Variants in AOAH observed in about 807,000 individuals in gnomAD.
AOAH encodes acyloxyacyl hydrolase, also known as acyloxyacyl hydrolase (neutrophil).
A neutral mutation model predicts 92.2 loss-of-function variants in AOAH; 64 were observed. That is an observed-to-expected ratio of 0.69 (90% CI 0.57 to 0.86). AOAH has a LOEUF of 0.86. Among genes scored for constraint, AOAH ranks in the 40% least tolerant of loss-of-function variants. The probability of loss-of-function intolerance (pLI) is 0.00; values close to 1 mark genes in which losing one functional copy is unlikely to be tolerated. For synonymous variants in AOAH, 263 were observed against 254.5 expected, an observed-to-expected ratio of 1.03 and a Z score of -0.32; for missense variants, 656 against 694.6, an observed-to-expected ratio of 0.94 and a Z score of 0.62.
intron 6 of AOAH, among the ~76,000 whole-genome samples, chr7:36,631,681 G>A (rs956627672): frequency 1.3e-5 from 2 of 152,158 alleles, no homozygotes; most frequent in Admixed American, 6.5e-5. Flanking sequence ...TCCATGCCCA[G>A]TTGCCCACCC....
chr7:36,610,377 T>A (rs1791363967), intron 11 of AOAH, among the ~76,000 whole-genome samples: 1 of 151,882 alleles, frequency 6.6e-6, no homozygotes, highest in South Asian at 2.1e-4. Flanking sequence ...TGTGTATATA[T>A]AATATACATA....
chr7:36,563,034 C>T (rs550806194), intron 13 of AOAH, among the ~76,000 whole-genome samples: 1 of 151,698 alleles, frequency 6.6e-6, no homozygotes, highest in East Asian at 1.9e-4. Context: ...GTAATCCCAG[C>T]TACTCAGGAG....
chr7:36,594,778 A>G (rs1789989537), intron 11 of AOAH: 1 of 328,982 alleles, frequency 3.0e-6, no homozygotes, highest in Admixed American at 4.6e-5. Context: ...CAGAAAGTCA[A>G]TCATCTGAAA....
At chr7:36,650,452 A>G (rs1489821398) in intron 4 of AOAH, among the ~76,000 whole-genome samples, 1 of 152,158 alleles carries the variant, frequency 6.6e-6, no homozygotes, top group African/African-American at 2.4e-5. Context: ...GTGGGAGGTG[A>G]GAAGCAAGAG....
At chr7:36,602,572 T>C (rs1240771104) in intron 11 of AOAH, among the ~76,000 whole-genome samples, 1 of 151,764 alleles carries the variant, frequency 6.6e-6, no homozygotes, top group Non-Finnish European at 1.5e-5. Context: ...TCTAAGGCCA[T>C]TGAAACAAAT....
At chr7:36,651,237 A>G (rs1251420727) in intron 4 of AOAH, among the ~76,000 whole-genome samples, 4 of 152,200 alleles carry the variant, frequency 2.6e-5, no homozygotes, top group East Asian at 3.8e-4. Context: ...ATCGCATGCC[A>G]TATGTGCTGG....
intron 19 of AOAH, among the ~76,000 whole-genome samples, chr7:36,525,841 T>TGAGAA (rs1319407274): frequency 1.3e-5 from 2 of 152,192 alleles, no homozygotes; most frequent in Non-Finnish European, 2.9e-5. Context: ...GTTTTCAAAA[T>TGAGAA]GAGAAGAGAT....
At chr7:36,711,367 A>C (rs887240662) in intron 1 of AOAH, among the ~76,000 whole-genome samples, 2 of 151,960 alleles carry the variant, frequency 1.3e-5, no homozygotes, top group Non-Finnish European at 2.9e-5. Context: ...TATATTTACA[A>C]AAAAAAATTA....
At chr7:36,548,538 G>A (rs1203536949) in intron 15 of AOAH, 74 bp downstream of exon 15, 6 of 1,241,068 alleles carry the variant, frequency 4.8e-6, no homozygotes, top group African/African-American at 4.5e-5. Flanking sequence ...ATAATGGAGT[G>A]GAGTTGGTGA....
In AOAH at chr7:36,522,242, GA is replaced by G. The variant is rs1353759124; in HGVS notation, c.1523-128del. On this transcript the variant is annotated intron_variant, in intron 19 of 20. Transcript: ENST00000617537. The stretch of plus-strand genomic sequence containing the variant: ...TGTTGACCAAGCCACGGCTGCCTCT[GA>G]GCTGCTCTCTTGCACTGGGGGATTT... 16 of 718,526 alleles carry G rather than the reference GA, an allele frequency of 2.2e-5. No homozygotes were observed. The East Asian group carries it at 4.3e-4, about 19-fold the overall frequency. 44.5% of individuals were successfully genotyped at this position (718,526 alleles called of 1,614,324 possible). A position where few individuals can be genotyped will look rare whatever the true frequency, so the allele number is the denominator to read the frequency against.
chr7:36,542,715 A>G (rs1354849582), intron 15 of AOAH, among the ~76,000 whole-genome samples: 1 of 152,250 alleles, frequency 6.6e-6, no homozygotes, highest in Non-Finnish European at 1.5e-5. Flanking sequence ...TGCTTGGTAT[A>G]GTGTACCACT....
At chr7:36,713,694 A>T (rs1024151197) in intron 1 of AOAH, among the ~76,000 whole-genome samples, 3 of 152,196 alleles carry the variant, frequency 2.0e-5, no homozygotes, top group Non-Finnish European at 4.4e-5. Flanking sequence ...CTGCTCAAAC[A>T]TGGAAACTGA....
intron 20 of AOAH, chr7:36,514,693 G>C: frequency 1.2e-6 from 1 of 801,244 alleles, no homozygotes; most frequent in African/African-American, 1.7e-5. Flanking sequence ...AATGAGAAAT[G>C]TGATTGCTGA....
chr7:36,575,498 T>C (rs1419526504), intron 13 of AOAH, among the ~76,000 whole-genome samples: 1 of 152,200 alleles, frequency 6.6e-6, no homozygotes, highest in East Asian at 1.9e-4. Flanking sequence ...TTTTCCTTCC[T>C]TTTCCCTCCC....
chr7:36,626,602 T>C (rs1792681509), intron 6 of AOAH, among the ~76,000 whole-genome samples: 1 of 152,224 alleles, frequency 6.6e-6, no homozygotes, highest in Non-Finnish European at 1.5e-5. Flanking sequence ...GGGCAATTCG[T>C]AAGCTTTATC....
intron 13 of AOAH, among the ~76,000 whole-genome samples, chr7:36,556,051 T>C (rs1475245013): frequency 1.3e-5 from 2 of 152,096 alleles, no homozygotes; most frequent in Non-Finnish European, 2.9e-5. Context: ...GCTCTTGTTT[T>C]TCTAGTTCTT....
At chr7:36,646,735 T>C (rs1562654748) in intron 4 of AOAH, among the ~76,000 whole-genome samples, 1 of 152,302 alleles carries the variant, frequency 6.6e-6, no homozygotes, top group East Asian at 1.9e-4. Flanking sequence ...TTCTAGTTTT[T>C]AGTGGTGATG....
At chr7:36,595,377 T>C (rs1790028162) in intron 11 of AOAH, among the ~76,000 whole-genome samples, 1 of 151,894 alleles carries the variant, frequency 6.6e-6, no homozygotes. Context: ...CTACAAAAAA[T>C]AACAAATTTG....
chr7:36,582,301 A>G (rs1264699881), intron 12 of AOAH, among the ~76,000 whole-genome samples: 1 of 152,188 alleles, frequency 6.6e-6, no homozygotes, highest in East Asian at 1.9e-4. Flanking sequence ...CGGGTACTTA[A>G]AAGTTCTTTT....
Sources: allele counts gnomAD v4.1 joint callset (sites outside exome capture counted in the v4.1 genomes callset), GRCh38; gene constraint gnomAD v4.1.1; transcripts MANE v1.5; gene names NCBI Gene and HGNC (gene_info 2026-07-23, HGNC 2026-07-21).